The following TENM2 variants were observed in gnomAD, a reference collection of about 807,000 sequenced individuals.
TENM2 encodes the protein teneurin-2.
TENM2 carries 52 observed loss-of-function variants against 245.2 expected under a neutral mutation model. That is an observed-to-expected ratio of 0.21 (90% CI 0.17 to 0.27). TENM2 has a LOEUF of 0.27. Among genes scored for constraint, TENM2 ranks in the 10% least tolerant of loss-of-function variants. The pLI, the probability that TENM2 is intolerant of heterozygous loss-of-function variation, is 1.00. For synonymous variants in TENM2, 1,363 were observed against 1,438.9 expected, an observed-to-expected ratio of 0.95 and a Z score of 1.19; for missense variants, 3,046 against 3,666.8, an observed-to-expected ratio of 0.83 and a Z score of 4.37.
At chr5:167,019,191 A>G in the TENM2 span, among the ~76,000 whole-genome samples, 1 of 152,038 alleles carries the variant, frequency 6.6e-6, no homozygotes, top group Non-Finnish European at 1.5e-5. Context: ...GTTCACTTGC[A>G]GTTGGGGGGA....
the TENM2 span, among the ~76,000 whole-genome samples, chr5:167,226,083 T>C: frequency 1.3e-5 from 2 of 151,988 alleles, no homozygotes; most frequent in Non-Finnish European, 2.9e-5. Flanking sequence ...GTATATCAAT[T>C]TTGTTTATCT....
intron 2 of TENM2, among the ~76,000 whole-genome samples, chr5:167,456,474 A>G (rs1765928981): frequency 6.6e-6 from 1 of 150,996 alleles, no homozygotes; most frequent in African/African-American, 2.4e-5. Flanking sequence ...TGCTATGAAT[A>G]CACACACACA....
At chr5:167,808,121 C>T (rs1238842491) in intron 2 of TENM2, among the ~76,000 whole-genome samples, 2 of 152,108 alleles carry the variant, frequency 1.3e-5, no homozygotes, top group African/African-American at 4.8e-5. Context: ...GTGTTCAAAC[C>T]ACGGCTTTTA....
chr5:167,202,380 C>G, the TENM2 span, among the ~76,000 whole-genome samples: 2 of 152,112 alleles, frequency 1.3e-5, no homozygotes, highest in Non-Finnish European at 2.9e-5. Context: ...CACCCCATCA[C>G]CTTGCTCAGC....
At chr5:167,120,973 T>C in the TENM2 span, among the ~76,000 whole-genome samples, 108 of 152,066 alleles carry the variant, frequency 7.1e-4, no homozygotes, top group African/African-American at 2.6e-3. Context: ...ACTCATGGCA[T>C]TAATGAGCTA....
chr5:167,323,228 T>A (rs946296784), intron 1 of TENM2, among the ~76,000 whole-genome samples: 14 of 152,346 alleles, frequency 9.2e-5, no homozygotes, highest in African/African-American at 3.4e-4. Context: ...CTAGTTTGGT[T>A]TTCTGAATGT....
the TENM2 span, among the ~76,000 whole-genome samples, chr5:167,155,292 G>T: frequency 1.1e-4 from 17 of 152,274 alleles, no homozygotes; most frequent in African/African-American, 3.6e-4. Flanking sequence ...ATGGGATCCT[G>T]TGTCCCAAAA....
At chr5:167,941,962 C>A (rs1354143376) in intron 3 of TENM2, among the ~76,000 whole-genome samples, 4 of 152,162 alleles carry the variant, frequency 2.6e-5, no homozygotes, top group Non-Finnish European at 4.4e-5. Context: ...AATCCCAGCA[C>A]TTTGGGAGGT....
intron 1 of TENM2, among the ~76,000 whole-genome samples, chr5:167,305,007 A>G (rs576280145): frequency 2.6e-5 from 4 of 152,178 alleles, no homozygotes; most frequent in Non-Finnish European, 5.9e-5. Context: ...CCTATCATAC[A>G]TGAGCACGGA....
intron 2 of TENM2, among the ~76,000 whole-genome samples, chr5:167,483,412 T>C (rs77289896): frequency 0.012 from 1,815 of 152,272 alleles, 18 homozygotes; most frequent in Non-Finnish European, 0.017. Flanking sequence ...AAATTAGTTA[T>C]GTGTATTTTC....
intron 2 of TENM2, among the ~76,000 whole-genome samples, chr5:167,535,121 A>G (rs1272924214): frequency 6.6e-6 from 1 of 151,930 alleles, no homozygotes; most frequent in Non-Finnish European, 1.5e-5. Flanking sequence ...CTCTCAATGC[A>G]TCTCTTCAGA....
chr5:167,019,047 G>C, the TENM2 span, among the ~76,000 whole-genome samples: 2 of 152,082 alleles, frequency 1.3e-5, no homozygotes, highest in Non-Finnish European at 2.9e-5. Flanking sequence ...TTAATTGTGA[G>C]CTTTGCATTC....
At chr5:167,465,832 A>AAAAAG (rs1554160714) in intron 2 of TENM2, among the ~76,000 whole-genome samples, 7 of 151,554 alleles carry the variant, frequency 4.6e-5, no homozygotes, top group Non-Finnish European at 8.8e-5. Context: ...CTGTCTCAAA[A>AAAAAG]AAAGAAAGAA....
Position 167,840,082 on chromosome 5 carries a change from A to G in TENM2, c.503-35904A>G, listed in dbSNP as rs55637208. Among the ~76,000 whole-genome samples, 1,033 of 152,320 alleles carry G rather than the reference A, an allele frequency of 6.8e-3. 10 individuals are homozygous for G. Among genetic ancestry groups the G allele is most frequent in the African/African-American group, 0.023 (956 of 41,572 alleles). On this transcript the variant is annotated intron_variant, in intron 2 of 28. Transcript: ENST00000518659. ...GTGATCCACCCGCCTCGGCCTCCCA[A>G]AGTGCTGGGATTACAGGCGTGAGCC...
chr5:168,126,651 C>A, intron 11 of TENM2, 103 bp from the exon 14 acceptor site: 1 of 853,458 alleles, frequency 1.2e-6, no homozygotes, highest in Non-Finnish European at 1.8e-6. Flanking sequence ...AGCTGCTGGG[C>A]CTCGGGGCCT....
At chr5:167,775,701 A>G (rs1252563211) in intron 2 of TENM2, among the ~76,000 whole-genome samples, 1 of 152,174 alleles carries the variant, frequency 6.6e-6, no homozygotes, top group Non-Finnish European at 1.5e-5. Flanking sequence ...AAAAAAAATA[A>G]ACAAGACATG....
chr5:166,993,937 T>C, the TENM2 span, among the ~76,000 whole-genome samples: 24 of 152,240 alleles, frequency 1.6e-4, 1 homozygote, highest in Admixed American at 8.5e-4. Flanking sequence ...TTTCCTGTTC[T>C]CCCTATATTT....
chr5:167,840,862 T>C (rs1769442553), intron 2 of TENM2, among the ~76,000 whole-genome samples: 1 of 152,134 alleles, frequency 6.6e-6, no homozygotes. Context: ...CACAGCTGCC[T>C]AGGGAACTGT....
At chr5:168,237,504 C>CTATT (rs1039222525) in intron 25 of TENM2, among the ~76,000 whole-genome samples, 5 of 152,010 alleles carry the variant, frequency 3.3e-5, no homozygotes, top group African/African-American at 1.2e-4. Context: ...AGTTCCCAGG[C>CTATT]TATTACAGAT....
Sources: gnomAD v4.1 joint callset for allele counts (sites outside exome capture counted in the v4.1 genomes callset) on GRCh38, gnomAD v4.1.1 for gene constraint, MANE v1.5 for transcripts, NCBI Gene and HGNC (gene_info 2026-07-23, HGNC 2026-07-21) for gene names.